CPT1C: variants seen among roughly 807,000 people sequenced by gnomAD.
The protein encoded by CPT1C is carnitine palmitoyltransferase 1C, also known as palmitoyl thioesterase CPT1C.
CPT1C carries 61 observed loss-of-function variants against 97.3 expected under a neutral mutation model. The observed-to-expected ratio is 0.63, with a 90% CI of 0.51 to 0.78. CPT1C has a LOEUF of 0.78. Among genes scored for constraint, CPT1C ranks in the 30% least tolerant of loss-of-function variants. CPT1C has a pLI of 0.00. For missense variants in CPT1C, 975 were observed against 1,065.5 expected (o/e 0.92, Z 1.18); for synonymous variants, 469 against 447.2 (o/e 1.05, Z -0.61).
At position 49,706,480 on chromosome 19, in the gene CPT1C, C is replaced by T. The variant is rs2083508468; in HGVS notation, c.1343+67C>T. The T allele has an allele frequency of 3.7e-6, 5 of 1,335,468 alleles. No homozygotes were observed. The South Asian group carries it at 5.1e-5, about 14-fold the overall frequency. The allele number at this position is 1,335,468 out of a possible 1,614,324, so 82.7% of individuals were successfully genotyped here. ...AGAATCCAGTATCAGACCTAGGACC[C>T]CTGACAGTAGACAGCCAGACCCTGG... On this transcript the variant is annotated intron_variant, in intron 12 of 19. Coordinates refer to ENST00000598293, the MANE Select transcript of CPT1C (RefSeq NM_001199753.2). This position sits in a 1 kb window ranked among gnomAD's most constrained non-coding sequence, Gnocchi z 4.8.
At chr19:49,691,677 TG>T in intron 1 of CPT1C, 143 bp from the exon 2 acceptor site, 1 of 153,034 alleles carries the variant, frequency 6.5e-6, no homozygotes, top group Non-Finnish European at 1.5e-5. Context: ...CAACTCAGCC[TG>T]GACCAGTTTC....
intron 7 of CPT1C, among the ~76,000 whole-genome samples, chr19:49,703,356 T>C (rs1179661488): frequency 6.6e-6 from 1 of 151,152 alleles, no homozygotes; most frequent in Non-Finnish European, 1.5e-5. Context: ...ATTTCTTTTT[T>C]TTTTTTTTTG....
chr19:49,699,343 G>A (rs1250097802), intron 4 of CPT1C, among the ~76,000 whole-genome samples: 4 of 150,166 alleles, frequency 2.7e-5, no homozygotes, highest in East Asian at 3.9e-4. Flanking sequence ...ATTCCAAGAC[G>A]GAGGCCGGGC....
intron 3 of CPT1C, among the ~76,000 whole-genome samples, chr19:49,695,323 G>C (rs1435964076): frequency 4.8e-5 from 4 of 83,160 alleles, no homozygotes; most frequent in Non-Finnish European, 9.1e-5. Context: ...TGTTCTTGTT[G>C]CCCAGGCTGG....
At chr19:49,696,304 G>C (rs913162991) in intron 3 of CPT1C, among the ~76,000 whole-genome samples, 4 of 152,020 alleles carry the variant, frequency 2.6e-5, no homozygotes, top group African/African-American at 4.8e-5. Flanking sequence ...TTAAACGTTA[G>C]TTATCTCTCT....
At chr19:49,710,880 G>T in intron 16 of CPT1C, 23 bp downstream of exon 16, 1 of 1,593,040 alleles carries the variant, frequency 6.3e-7, no homozygotes, top group Non-Finnish European at 8.6e-7. Flanking sequence ...CTCGCTTGAG[G>T]CTTCAGTTAT....
chr19:49,701,450 C>G (rs563947166), intron 6 of CPT1C, 32 bp downstream of exon 6: 1 of 1,587,386 alleles, frequency 6.3e-7, no homozygotes, highest in South Asian at 1.1e-5. Context: ...CGGGCTGGGG[C>G]GGCCGGGGCG....
chr19:49,704,518 T>G (rs1263303057), intron 7 of CPT1C, among the ~76,000 whole-genome samples, 192 bp from the exon 8 acceptor site: 3 of 152,202 alleles, frequency 2.0e-5, no homozygotes, highest in Admixed American at 6.5e-5. Context: ...TGCCGGAGTA[T>G]AACAGGGTTT....
chr19:49,713,377 C>T (rs2084047851), intron 19 of CPT1C, 43 bp from the exon 20 acceptor site: 1 of 1,547,590 alleles, frequency 6.5e-7, no homozygotes, highest in African/African-American at 1.4e-5. Flanking sequence ...CTCCAGGATC[C>T]CATCTCCCAG....
chr19:49,705,202 G>A lies in CPT1C; in HGVS notation c.880-12G>A, dbSNP rs775572357. 1.9e-6 allele frequency: 3 copies of A among 1,614,094 alleles called. No homozygotes were observed. The highest frequency in any genetic ancestry group is 1.1e-5 in the South Asian group (1 of 91,082). On this transcript the variant is annotated splice_polypyrimidine_tract_variant and intron_variant, in intron 9 of 19. Transcript: ENST00000598293. ...TCCTGGAAGGCAGCTCACAGCCCACGGTTTCCTGCAGACTTTGCTGATGGG... is the reference window on the plus strand; with the variant it reads ...TCCTGGAAGGCAGCTCACAGCCCACAGTTTCCTGCAGACTTTGCTGATGGG...
At chr19:49,697,597 G>A (rs1038379177) in intron 4 of CPT1C, 132 bp downstream of exon 4, 39 of 1,112,666 alleles carry the variant, frequency 3.5e-5, no homozygotes, top group Non-Finnish European at 4.7e-5. Flanking sequence ...ATTAATAAAG[G>A]CATGGCATGA....
chr19:49,711,053 T>A, intron 16 of CPT1C, 196 bp downstream of exon 16: 1 of 520,002 alleles, frequency 1.9e-6, no homozygotes, highest in Non-Finnish European at 3.3e-6. Flanking sequence ...TCTGCTTTCA[T>A]GGTGGTCTCA....
rs2083576250 is a variant in CPT1C, at chr19:49,707,584, C to G, written c.1410C>G (p.His470Gln). The change falls in exon 13 of 20, where the codon CAC (histidine) becomes CAG (glutamine). Residue 470 changes from histidine (H) to glutamine (Q), a missense_variant. Physicochemically the swap from His to Gln is conservative, Grantham distance 24 (BLOSUM62 0). Coordinates refer to ENST00000598293, the MANE Select transcript of CPT1C (RefSeq NM_001199753.2). ...SNGKLGLSVE[H>Q]SWADCPISGH... ...GGAAGCTGGGCCTCAGCGTGGAGCACTCCTGGGCCGACTGCCCCATCTCAG... is the reference window on the plus strand; with the variant it reads ...GGAAGCTGGGCCTCAGCGTGGAGCAGTCCTGGGCCGACTGCCCCATCTCAG... 1 of 1,613,596 alleles carries G rather than the reference C, an allele frequency of 6.2e-7. No homozygotes were observed. Among genetic ancestry groups the G allele is most frequent in the Non-Finnish European group, 8.5e-7 (1 of 1,179,860 alleles).
intron 4 of CPT1C, among the ~76,000 whole-genome samples, chr19:49,699,459 A>T (rs1333599274): frequency 1.5e-4 from 7 of 45,864 alleles, no homozygotes; most frequent in South Asian, 5.6e-4. Context: ...CCTGTCTCTA[A>T]AAAAAAAAAA....
intron 17 of CPT1C, chr19:49,712,514 G>A: frequency 1.8e-6 from 1 of 567,486 alleles, no homozygotes; most frequent in Non-Finnish European, 3.2e-6. Flanking sequence ...GTCAGAGGAG[G>A]GGCGTGGTCC....
intron 3 of CPT1C, 21 bp downstream of exon 3, chr19:49,692,414 G>A: frequency 6.2e-7 from 1 of 1,612,940 alleles, no homozygotes; most frequent in South Asian, 1.1e-5. Context: ...GTGCTGGTCG[G>A]TTTCCTTCCG....
At chr19:49,695,767 G>A (rs1259217536) in intron 3 of CPT1C, among the ~76,000 whole-genome samples, 1 of 151,180 alleles carries the variant, frequency 6.6e-6, no homozygotes. Flanking sequence ...ATTTTTAGTA[G>A]AGACGGGGTT....
intron 3 of CPT1C, 122 bp from the exon 4 acceptor site, chr19:49,697,204 T>C (rs2082720538): frequency 8.0e-7 from 1 of 1,244,708 alleles, no homozygotes; most frequent in African/African-American, 1.5e-5. Context: ...TGTTCCCTAC[T>C]AGATCTTGAG....
intron 16 of CPT1C, chr19:49,711,554 G>A (rs1286898649): frequency 1.9e-5 from 10 of 538,498 alleles, no homozygotes; most frequent in Non-Finnish European, 6.6e-6. Context: ...CACCTACAAG[G>A]TATTGTGGTT....
Sources: allele counts gnomAD v4.1 joint callset (sites outside exome capture counted in the v4.1 genomes callset), GRCh38; gene constraint gnomAD v4.1.1; non-coding constraint Gnocchi (gnomAD v3.1); transcripts MANE v1.5; gene names NCBI Gene and HGNC (gene_info 2026-07-23, HGNC 2026-07-21).